Variants in CPPED1 observed in about 807,000 individuals in gnomAD.
The protein encoded by CPPED1 is calcineurin like phosphoesterase domain containing 1.
CPPED1 carries 28 observed loss-of-function variants against 28.0 expected under a neutral mutation model. The observed-to-expected ratio is 1.00, with a 90% CI of 0.74 to 1.37. The LOEUF is 1.37. CPPED1 is among the 40% of genes most tolerant of loss of function. CPPED1 has a pLI of 0.00. For missense variants in CPPED1, 504 were observed against 416.5 expected, an observed-to-expected ratio of 1.21 and a Z score of -1.83; for synonymous variants, 198 against 180.2, an observed-to-expected ratio of 1.10 and a Z score of -0.79.
At chr16:12,713,652 C>T (rs1050168587) in intron 2 of CPPED1, among the ~76,000 whole-genome samples, 4 of 152,170 alleles carry the variant, frequency 2.6e-5, no homozygotes, top group African/African-American at 9.7e-5. Flanking sequence ...TGAGCCACCA[C>T]ACCTGGCTAT....
intron 3 of CPPED1, among the ~76,000 whole-genome samples, chr16:12,699,331 T>C (rs2080008022): frequency 6.6e-6 from 1 of 152,170 alleles, no homozygotes; most frequent in Admixed American, 6.5e-5. Flanking sequence ...TTTTGTATCA[T>C]ACAAAGACGG....
intron 2 of CPPED1, among the ~76,000 whole-genome samples, chr16:12,774,581 C>G (rs1406781390): frequency 6.6e-6 from 1 of 152,104 alleles, no homozygotes; most frequent in Non-Finnish European, 1.5e-5. Flanking sequence ...GCATGCTGTT[C>G]TAGTCCTTCA....
intron 2 of CPPED1, among the ~76,000 whole-genome samples, chr16:12,774,184 C>T (rs2080484681): frequency 6.6e-6 from 1 of 152,140 alleles, no homozygotes; most frequent in African/African-American, 2.4e-5. Context: ...AAAATGTTCC[C>T]TCCAAGCTGG....
chr16:12,691,513 C>T (rs1157345883), intron 3 of CPPED1, among the ~76,000 whole-genome samples: 1 of 152,114 alleles, frequency 6.6e-6, no homozygotes, highest in Non-Finnish European at 1.5e-5. Context: ...CACATGCACA[C>T]ATATGTTTAT....
At chr16:12,747,723 G>A (rs997474909) in intron 2 of CPPED1, among the ~76,000 whole-genome samples, 1 of 152,106 alleles carries the variant, frequency 6.6e-6, no homozygotes, top group Admixed American at 6.6e-5. Context: ...CGGCCTTAAC[G>A]AGGAAACTTT....
intron 2 of CPPED1, among the ~76,000 whole-genome samples, chr16:12,723,865 C>G (rs1421728670): frequency 6.6e-6 from 1 of 152,150 alleles, no homozygotes; most frequent in African/African-American, 2.4e-5. Flanking sequence ...GCCCATGCCA[C>G]TGCCTCCACC....
chr16:12,752,269 T>C (rs1223734645), intron 2 of CPPED1, among the ~76,000 whole-genome samples: 6 of 152,152 alleles, frequency 3.9e-5, no homozygotes, highest in African/African-American at 1.4e-4. Flanking sequence ...CTTCTGGCTC[T>C]TAAAAAGCCT....
chr16:12,697,506 T>C (rs2079998134), intron 3 of CPPED1, among the ~76,000 whole-genome samples: 1 of 152,174 alleles, frequency 6.6e-6, no homozygotes. Flanking sequence ...AATGGGGTCG[T>C]CAGATGCATC....
intron 3 of CPPED1, among the ~76,000 whole-genome samples, chr16:12,665,650 C>G (rs867884190): frequency 2.6e-5 from 4 of 152,094 alleles, no homozygotes; most frequent in African/African-American, 9.6e-5. Flanking sequence ...AAAAAAATGA[C>G]CAGGTGTGGT....
At chr16:12,801,428 G>A (rs1373089667) in intron 1 of CPPED1, among the ~76,000 whole-genome samples, 1 of 151,956 alleles carries the variant, frequency 6.6e-6, no homozygotes, top group African/African-American at 2.4e-5. Context: ...ACCGCAGCCA[G>A]CCCACAACAA....
At position 12,773,616 on chromosome 16, in the gene CPPED1, G is replaced by A. The variant is rs576132914; in HGVS notation, c.289+7569C>T. On this transcript the variant is annotated intron_variant, in intron 2 of 3. Transcript: ENST00000381774. ...TGCACACCTGTAACTCCAGCTGCTC[G>A]AGGCTGAGGCATGAGAATTGCTTGA... 1.7e-4 allele frequency among the ~76,000 whole-genome samples: 26 copies of A among 152,264 alleles called. No homozygotes were observed. The Middle Eastern group carries it at 0.014, about 80-fold the overall frequency.
chr16:12,720,960 A>G (rs1396991339), intron 2 of CPPED1, among the ~76,000 whole-genome samples: 1 of 152,230 alleles, frequency 6.6e-6, no homozygotes, highest in Non-Finnish European at 1.5e-5. Flanking sequence ...GATGGCTATG[A>G]ATGGCATGTT....
At position 12,664,922 on chromosome 16, in the gene CPPED1, T is replaced by C. The variant is rs765527165; in HGVS notation, c.909A>G (p.Ile303Met). The C allele has an allele frequency of 3.1e-6, 5 of 1,607,816 alleles. No homozygotes were observed. Among genetic ancestry groups the C allele is most frequent in the South Asian group, 2.2e-5 (2 of 90,076 alleles). Residue 303 changes from isoleucine (I) to methionine (M), a missense_variant, in exon 4 of 4, where the codon ATA becomes ATG. Ile to Met is a conservative substitution (Grantham distance 10). Coordinates refer to ENST00000381774, the MANE Select transcript of CPPED1 (RefSeq NM_018340.3). The surrounding 1 kb of genome is among the most constrained non-coding windows in gnomAD (Gnocchi z 4.2). ...TGATCAAATCCATGAGATCGTCTTC[T>C]ATTCCTTTCTCACTCAGCTCATCTA... ...YSLDELSEKGIEDDLMDLIKK... is the reference protein window; with the variant it reads ...YSLDELSEKGMEDDLMDLIKK...
chr16:12,673,845 G>T (rs1260524279), intron 3 of CPPED1, among the ~76,000 whole-genome samples: 1 of 152,078 alleles, frequency 6.6e-6, no homozygotes, highest in Non-Finnish European at 1.5e-5. Flanking sequence ...CCAGGAGTTG[G>T]AGACCAGCCT....
intron 2 of CPPED1, among the ~76,000 whole-genome samples, chr16:12,735,437 T>C (rs2080221836): frequency 6.6e-6 from 1 of 152,234 alleles, no homozygotes; most frequent in South Asian, 2.1e-4. Flanking sequence ...CCTGAGTAGA[T>C]GGGATTACAG....
At chr16:12,679,933 C>T (rs1342294854) in intron 3 of CPPED1, among the ~76,000 whole-genome samples, 1 of 152,110 alleles carries the variant, frequency 6.6e-6, no homozygotes, top group Non-Finnish European at 1.5e-5. Flanking sequence ...AAAGATTAGC[C>T]AATGGAAAAG....
chr16:12,673,269 C>A (rs2079861729), intron 3 of CPPED1, among the ~76,000 whole-genome samples: 1 of 152,190 alleles, frequency 6.6e-6, no homozygotes, highest in African/African-American at 2.4e-5. Flanking sequence ...TGGGGTTTCA[C>A]AGCCAGTCTG....
At chr16:12,736,269 G>A (rs36067604) in intron 2 of CPPED1, among the ~76,000 whole-genome samples, 77,106 of 148,524 alleles carry the variant, frequency 0.52, 20,550 homozygotes, top group Admixed American at 0.62. Flanking sequence ...TTTTTGAGAT[G>A]GAGTCTCACT....
chr16:12,740,140 C>T (rs913102267), intron 2 of CPPED1, among the ~76,000 whole-genome samples: 1 of 151,906 alleles, frequency 6.6e-6, no homozygotes, highest in African/African-American at 2.4e-5. Flanking sequence ...GCGAGCCAGC[C>T]CTGCTTTATT....
Sources: gnomAD v4.1 joint callset for allele counts (sites outside exome capture counted in the v4.1 genomes callset) on GRCh38, gnomAD v4.1.1 for gene constraint, Gnocchi (gnomAD v3.1) non-coding constraint, MANE v1.5 for transcripts, NCBI Gene and HGNC (gene_info 2026-07-23, HGNC 2026-07-21) for gene names.